The following CPNE8 variants were observed in gnomAD, a reference collection of about 807,000 sequenced individuals.
CPNE8 encodes the protein copine 8, also known as copine-8.
In CPNE8, 45 loss-of-function variants were observed where a neutral mutation model predicts 81.5. The ratio of observed to expected loss-of-function variants is 0.55; its 90% CI spans 0.44 to 0.71. The LOEUF (loss-of-function observed/expected upper bound fraction) is 0.71. Ranked by LOEUF, CPNE8 falls within the 30% of genes least tolerant of loss-of-function variation. The pLI is 0.00. For synonymous variants in CPNE8, 252 were observed against 226.3 expected, an observed-to-expected ratio of 1.11 and a Z score of -1.02; for missense variants, 594 against 672.1, an observed-to-expected ratio of 0.88 and a Z score of 1.28.
At chr12:38,688,352 A>G (rs941462212) in intron 15 of CPNE8, among the ~76,000 whole-genome samples, 1 of 152,224 alleles carries the variant, frequency 6.6e-6, no homozygotes, top group Non-Finnish European at 1.5e-5. Flanking sequence ...GTCTTAGACG[A>G]TAAGAATACC....
At chr12:38,834,699 C>T (rs75176424) in intron 5 of CPNE8, among the ~76,000 whole-genome samples, 3,519 of 152,206 alleles carry the variant, frequency 0.023, 132 homozygotes, top group African/African-American at 0.081. Flanking sequence ...CAGATCACAT[C>T]ATCCTCCAGT....
At chr12:38,787,733 T>G (rs751203769) in intron 6 of CPNE8, among the ~76,000 whole-genome samples, 2 of 151,052 alleles carry the variant, frequency 1.3e-5, no homozygotes, top group Non-Finnish European at 3.0e-5. Flanking sequence ...AAGAGCCAAA[T>G]AAATAAAATC....
At chr12:38,660,830 T>A (rs1302559513) in intron 19 of CPNE8, among the ~76,000 whole-genome samples, 1 of 152,076 alleles carries the variant, frequency 6.6e-6, no homozygotes, top group Non-Finnish European at 1.5e-5. Context: ...CAAAAGACAT[T>A]TATGCAGCCA....
chr12:38,689,073 A>T (rs1939609052), intron 15 of CPNE8, among the ~76,000 whole-genome samples: 2 of 152,250 alleles, frequency 1.3e-5, no homozygotes, highest in South Asian at 4.1e-4. Context: ...TTCTGACACA[A>T]AAGTAAAACA....
At chr12:38,850,559 A>C (rs1415066985) in intron 3 of CPNE8, among the ~76,000 whole-genome samples, 1 of 152,182 alleles carries the variant, frequency 6.6e-6, no homozygotes, top group African/African-American at 2.4e-5. Context: ...TTATGACTAT[A>C]TCCATTACAA....
At chr12:38,793,496 T>C (rs1395040422) in intron 6 of CPNE8, among the ~76,000 whole-genome samples, 1 of 151,720 alleles carries the variant, frequency 6.6e-6, no homozygotes, top group Non-Finnish European at 1.5e-5. Context: ...ACAAAATACT[T>C]AGAAATAAAC....
At chr12:38,820,307 A>G (rs1387372281) in intron 6 of CPNE8, among the ~76,000 whole-genome samples, 2 of 152,022 alleles carry the variant, frequency 1.3e-5, no homozygotes, top group African/African-American at 4.8e-5. Flanking sequence ...CAGGAGGCTG[A>G]GGCAGGAGAA....
At position 38,682,426 on chromosome 12, in the gene CPNE8, C is replaced by T. The variant is rs567652315; in HGVS notation, c.1271+3064G>A. Among the ~76,000 whole-genome samples, 17 of 152,060 alleles carry T rather than the reference C, an allele frequency of 1.1e-4. No homozygotes were observed. The East Asian group carries it at 2.1e-3, about 19-fold the overall frequency. ...TACAAAAATTAGCCAGGCATGGTGG[C>T]GGGTACCTATAATCCCAGCTACTTG... On this transcript the variant is annotated intron_variant, in intron 16 of 19. Coordinates refer to ENST00000331366, the MANE Select transcript of CPNE8 (RefSeq NM_153634.3).
chr12:38,680,288 A>C (rs146972931), intron 16 of CPNE8, among the ~76,000 whole-genome samples: 107 of 152,140 alleles, frequency 7.0e-4, no homozygotes, highest in African/African-American at 2.5e-3. Flanking sequence ...AAACTGACTT[A>C]GGGATGTTTT....
At chr12:38,759,710 C>T (rs1941536254) in intron 10 of CPNE8, among the ~76,000 whole-genome samples, 1 of 152,134 alleles carries the variant, frequency 6.6e-6, no homozygotes, top group Non-Finnish European at 1.5e-5. Flanking sequence ...CACTTCCCTC[C>T]CCATCTTTTC....
At chr12:38,878,983 G>GACA (rs1391496719) in intron 1 of CPNE8, among the ~76,000 whole-genome samples, 16 of 152,008 alleles carry the variant, frequency 1.1e-4, no homozygotes, top group African/African-American at 3.1e-4. Context: ...ATTCAGCTAC[G>GACA]ACAACAACAA....
At chr12:38,825,447 G>T (rs1943173529) in intron 6 of CPNE8, among the ~76,000 whole-genome samples, 1 of 152,214 alleles carries the variant, frequency 6.6e-6, no homozygotes, top group South Asian at 2.1e-4. Flanking sequence ...GGACTCCATG[G>T]AGTGGACCAG....
intron 7 of CPNE8, among the ~76,000 whole-genome samples, chr12:38,770,768 A>G (rs543134491): frequency 1.2e-3 from 175 of 152,118 alleles, no homozygotes; most frequent in East Asian, 3.9e-4. Context: ...TGTCTGCTGG[A>G]ATTCTTATCC....
At chr12:38,776,421 G>T (rs1941937783) in intron 6 of CPNE8, 120 bp from the exon 7 acceptor site, 2 of 272,364 alleles carry the variant, frequency 7.3e-6, no homozygotes, top group South Asian at 2.8e-4. Context: ...TAATAACATG[G>T]TTCTTCCCTA....
intron 6 of CPNE8, among the ~76,000 whole-genome samples, chr12:38,791,576 C>T (rs150968353): frequency 1.6e-4 from 25 of 151,538 alleles, no homozygotes; most frequent in Non-Finnish European, 2.2e-4. Flanking sequence ...AAAACCTAAA[C>T]AAACTAGCAT....
rs1209984559 is a variant in CPNE8 at position 38,755,934 on chromosome 12, G to A, written c.722+4913C>T. On this transcript the variant is annotated intron_variant, in intron 10 of 19. Coordinates refer to ENST00000331366, the MANE Select transcript of CPNE8 (RefSeq NM_153634.3). The stretch of plus-strand genomic sequence containing the variant: ...GGGCGCCTGTAGTCCCAGCTACTCG[G>A]GAGGCTGAGGCAGGAGAATGACGTG... 2.7e-5 allele frequency among the ~76,000 whole-genome samples: 4 copies of A among 150,368 alleles called. No homozygotes were observed. The Admixed American group carries it at 2.7e-4, about 10-fold the overall frequency.
chr12:38,699,006 C>T (rs1409088193), intron 14 of CPNE8, among the ~76,000 whole-genome samples: 3 of 152,200 alleles, frequency 2.0e-5, no homozygotes, highest in East Asian at 1.9e-4. Flanking sequence ...AACATCCTTT[C>T]AGATTTTGAT....
At chr12:38,735,518 T>C (rs1940933340) in intron 10 of CPNE8, among the ~76,000 whole-genome samples, 1 of 152,008 alleles carries the variant, frequency 6.6e-6, no homozygotes, top group African/African-American at 2.4e-5. Flanking sequence ...TCTCTCTGAT[T>C]TTGCTAACTT....
chr12:38,876,678 T>C (rs1019467462), intron 1 of CPNE8, among the ~76,000 whole-genome samples: 1 of 152,250 alleles, frequency 6.6e-6, no homozygotes, highest in Non-Finnish European at 1.5e-5. Flanking sequence ...GTCTGAAATT[T>C]GCAATTTAAC....
Sources: allele counts gnomAD v4.1 joint callset (sites outside exome capture counted in the v4.1 genomes callset), GRCh38; gene constraint gnomAD v4.1.1; transcripts MANE v1.5; gene names NCBI Gene and HGNC (gene_info 2026-07-23, HGNC 2026-07-21).